The following RHPN2 variants were observed in gnomAD, a reference collection of about 807,000 sequenced individuals.
The protein encoded by RHPN2 is rhophilin Rho GTPase binding protein 2, also known as rhophilin-2.
A neutral mutation model predicts 79.0 loss-of-function variants in RHPN2; 40 were observed. That is an observed-to-expected ratio of 0.51 (90% CI 0.39 to 0.66). RHPN2 has a LOEUF of 0.66. RHPN2 is among the 30% of genes least tolerant of loss of function. The pLI is 0.00. For synonymous variants in RHPN2, 285 were observed against 363.5 expected (o/e 0.78, Z 2.46); for missense variants, 686 against 883.5 (o/e 0.78, Z 2.83).
chr19:32,988,112 T>C (rs1465432014), intron 14 of RHPN2, among the ~76,000 whole-genome samples: 1 of 151,982 alleles, frequency 6.6e-6, no homozygotes, highest in Non-Finnish European at 1.5e-5. Context: ...GGCAAAAGGA[T>C]TGCCTGAGCC....
In RHPN2 at chr19:33,013,863, C is replaced by CTTTAT. The variant is rs112772629; in HGVS notation, c.391-1144_391-1140dup. On this transcript the variant is annotated intron_variant, in intron 4 of 14. Coordinates refer to ENST00000254260, the MANE Select transcript of RHPN2 (RefSeq NM_033103.5). Reference sequence around the variant, plus strand: ...TATAAAGGCATTTTATTTTATTTTACTTTATTTTATTTTATTTTATTTTAT... The same window carrying CTTTAT: ...TATAAAGGCATTTTATTTTATTTTACTTTATTTTATTTTATTTTATTTTATTTTAT... 8.6e-3 allele frequency among the ~76,000 whole-genome samples: 1,258 copies of CTTTAT among 146,874 alleles called. 13 individuals are homozygous for CTTTAT. Among genetic ancestry groups the CTTTAT allele is most frequent in the African/African-American group, 0.025 (996 of 40,350 alleles).
intron 1 of RHPN2, among the ~76,000 whole-genome samples, chr19:33,049,256 T>C (rs1972168366): frequency 6.6e-6 from 1 of 152,144 alleles, no homozygotes; most frequent in South Asian, 2.1e-4. Flanking sequence ...CAGAAACTAT[T>C]GGCCATCTAC....
chr19:33,038,253 G>T (rs1209638812), intron 2 of RHPN2, among the ~76,000 whole-genome samples: 1 of 150,826 alleles, frequency 6.6e-6, no homozygotes, highest in Non-Finnish European at 1.5e-5. Flanking sequence ...GGAGGCTGAG[G>T]CAGGAGAATC....
At chr19:33,011,433 T>A (rs978372253) in intron 6 of RHPN2, among the ~76,000 whole-genome samples, 1 of 152,134 alleles carries the variant, frequency 6.6e-6, no homozygotes, top group African/African-American at 2.4e-5. Flanking sequence ...AAATGTCTCT[T>A]CTCCTTGGCT....
chr19:33,045,836 C>T (rs984050958), intron 1 of RHPN2, among the ~76,000 whole-genome samples: 7 of 152,174 alleles, frequency 4.6e-5, no homozygotes, highest in South Asian at 2.1e-4. Flanking sequence ...CCATTAGCAT[C>T]GCTCCTCATT....
chr19:32,991,600 C>T (rs775827137), intron 13 of RHPN2, among the ~76,000 whole-genome samples: 5 of 152,106 alleles, frequency 3.3e-5, no homozygotes, highest in Non-Finnish European at 5.9e-5. Flanking sequence ...CGCCACTGCA[C>T]GATCGCGACT....
chr19:33,007,852 C>T (rs1016967760), intron 7 of RHPN2, among the ~76,000 whole-genome samples, 162 bp downstream of exon 7: 2 of 151,898 alleles, frequency 1.3e-5, no homozygotes, highest in African/African-American at 2.4e-5. Flanking sequence ...CGTGAGCCAC[C>T]GCGCCCGGCC....
At chr19:33,061,230 T>C (rs960263341) in intron 1 of RHPN2, among the ~76,000 whole-genome samples, 72 of 146,912 alleles carry the variant, frequency 4.9e-4, no homozygotes, top group Admixed American at 4.8e-3. Flanking sequence ...CCTTTCTTTT[T>C]TTTTTTTTTT....
intron 3 of RHPN2, among the ~76,000 whole-genome samples, chr19:33,022,397 G>A (rs1375612877): frequency 6.6e-6 from 1 of 151,820 alleles, no homozygotes; most frequent in African/African-American, 2.4e-5. Context: ...CCCCTCAGCG[G>A]GCCCCACAGC....
intron 1 of RHPN2, among the ~76,000 whole-genome samples, chr19:33,047,963 A>G (rs933141894): frequency 1.3e-5 from 2 of 152,096 alleles, no homozygotes; most frequent in Non-Finnish European, 2.9e-5. Context: ...AAGACTTCTC[A>G]TTCTCATTTC....
intron 2 of RHPN2, among the ~76,000 whole-genome samples, chr19:33,035,838 C>T (rs896102971): frequency 1.1e-4 from 16 of 152,088 alleles, no homozygotes; most frequent in East Asian, 3.9e-4. Flanking sequence ...AATATCGGGC[C>T]GGGCGCCATG....
At chr19:33,064,755 T>TGGCCCCCCCCCCCCC in intron 1 of RHPN2, 29 bp downstream of exon 1, 1 of 1,427,944 alleles carries the variant, frequency 7.0e-7, no homozygotes, top group Non-Finnish European at 9.4e-7. Context: ...AGCCCGCAGG[T>TGGCCCCCCCCCCCCC]CCCCGCCCGC....
chr19:33,031,326 C>A (rs1220590315), intron 2 of RHPN2, among the ~76,000 whole-genome samples: 3 of 142,608 alleles, frequency 2.1e-5, no homozygotes, highest in African/African-American at 8.1e-5. Context: ...AGTGGCACAT[C>A]ATGGCTTACT....
intron 6 of RHPN2, among the ~76,000 whole-genome samples, chr19:33,009,250 T>G (rs1971818007): frequency 2.0e-5 from 3 of 151,780 alleles, no homozygotes; most frequent in Admixed American, 2.0e-4. Context: ...ATGGAAACTA[T>G]GGACTCTGGG....
chr19:33,063,156 C>T (rs1972296116), intron 1 of RHPN2, among the ~76,000 whole-genome samples: 1 of 152,170 alleles, frequency 6.6e-6, no homozygotes. Flanking sequence ...GCCAGGCCTC[C>T]TCCTGCAATT....
chr19:33,038,194 CA>C (rs1345560724), intron 2 of RHPN2, among the ~76,000 whole-genome samples: 1 of 151,312 alleles, frequency 6.6e-6, no homozygotes, highest in Non-Finnish European at 1.5e-5. Flanking sequence ...ATTAAAAATA[CA>C]AAAATTAGCT....
intron 2 of RHPN2, among the ~76,000 whole-genome samples, chr19:33,042,000 C>T (rs1012179820): frequency 5.9e-5 from 9 of 152,052 alleles, no homozygotes; most frequent in South Asian, 2.1e-4. Flanking sequence ...CTGTGCAACA[C>T]GGTGAAACCC....
At position 33,015,112 on chromosome 19, in the gene RHPN2, G is replaced by A. The variant is rs565550937; in HGVS notation, c.391-2388C>T. Among the ~76,000 whole-genome samples, 15 of 151,742 alleles carry A rather than the reference G, an allele frequency of 9.9e-5. 2 individuals carry two copies. In the South Asian group the frequency reaches 1.7e-3, roughly 17 times the overall value. On this transcript the variant is annotated intron_variant, in intron 4 of 14. Coordinates refer to ENST00000254260, the MANE Select transcript of RHPN2 (RefSeq NM_033103.5). Reference sequence around the variant, plus strand: ...ACTTAGTAAACTAGGGTAGATTAACGTACTTAGTGGGATAAAAAAATTATC... The same window carrying A: ...ACTTAGTAAACTAGGGTAGATTAACATACTTAGTGGGATAAAAAAATTATC...
At chr19:33,039,294 C>T (rs8182598) in intron 2 of RHPN2, among the ~76,000 whole-genome samples, 24,307 of 151,996 alleles carry the variant, frequency 0.16, 2,436 homozygotes, top group East Asian at 0.31. Context: ...TGATGTCAGC[C>T]CCAAAGGCTA....
Sources: allele counts gnomAD v4.1 joint callset (sites outside exome capture counted in the v4.1 genomes callset), GRCh38; gene constraint gnomAD v4.1.1; transcripts MANE v1.5; gene names NCBI Gene and HGNC (gene_info 2026-07-23, HGNC 2026-07-21).